Variants in PRR16 observed in about 807,000 individuals in gnomAD.
PRR16 encodes proline rich 16, also known as protein Largen.
Under a neutral mutation model 18.2 loss-of-function variants are expected in PRR16, and 6 were observed. That is an observed-to-expected ratio of 0.33 (90% CI 0.18 to 0.65). The LOEUF (loss-of-function observed/expected upper bound fraction) is 0.65, where lower values mean the gene tolerates loss of function less well. Among genes scored for constraint, PRR16 ranks in the 30% least tolerant of loss-of-function variants. The probability of loss-of-function intolerance (pLI) is 0.74; values close to 1 mark genes in which losing one functional copy is unlikely to be tolerated. For synonymous variants in PRR16, 151 were observed against 147.8 expected (o/e 1.02, Z -0.16); for missense variants, 412 against 376.6 (o/e 1.09, Z -0.78).
chr5:120,486,601 G>A (rs1401740208), intron 1 of PRR16, among the ~76,000 whole-genome samples: 2 of 152,130 alleles, frequency 1.3e-5, no homozygotes, highest in African/African-American at 4.8e-5. Context: ...TAGGTTGCCT[G>A]TTCACTCTGA....
intron 1 of PRR16, among the ~76,000 whole-genome samples, chr5:120,475,426 T>C (rs1260246656): frequency 3.3e-5 from 5 of 152,186 alleles, no homozygotes; most frequent in Non-Finnish European, 7.4e-5. Flanking sequence ...CTTCTGTTTT[T>C]CTGCCTTTTG....
At chr5:120,712,094 T>A in the PRR16 span, among the ~76,000 whole-genome samples, 50 of 152,206 alleles carry the variant, frequency 3.3e-4, no homozygotes, top group African/African-American at 1.2e-3. Context: ...AGACTTTTTT[T>A]ATCATATAAG....
At chr5:120,760,263 G>A in the PRR16 span, among the ~76,000 whole-genome samples, 1 of 152,048 alleles carries the variant, frequency 6.6e-6, no homozygotes, top group Non-Finnish European at 1.5e-5. Flanking sequence ...GGGCATATCA[G>A]TAAGAATTCA....
chr5:120,585,911 C>T (rs1250512212), intron 1 of PRR16, among the ~76,000 whole-genome samples: 2 of 151,996 alleles, frequency 1.3e-5, no homozygotes, highest in African/African-American at 2.4e-5. Context: ...TGCGATGGCT[C>T]ATGCTTGTAA....
At chr5:120,581,363 A>C (rs1187556102) in intron 1 of PRR16, among the ~76,000 whole-genome samples, 1 of 152,078 alleles carries the variant, frequency 6.6e-6, no homozygotes, top group Admixed American at 6.5e-5. Flanking sequence ...ATCAGTGGTG[A>C]TATCCCCTTT....
the PRR16 span, among the ~76,000 whole-genome samples, chr5:120,704,551 G>T: frequency 6.6e-6 from 1 of 152,144 alleles, no homozygotes; most frequent in East Asian, 1.9e-4. Flanking sequence ...GTACTCAAGA[G>T]TATTTTAAAA....
chr5:120,724,986 A>T, the PRR16 span, among the ~76,000 whole-genome samples: 13 of 152,200 alleles, frequency 8.5e-5, no homozygotes, highest in African/African-American at 3.1e-4. Flanking sequence ...TTGAAACATG[A>T]CAGGTGAACA....
chr5:120,789,965 T>A, the PRR16 span: 1 of 152,172 alleles, frequency 6.6e-6, no homozygotes, highest in Non-Finnish European at 1.5e-5. Context: ...TCCTTCAGGT[T>A]GGAAGGAATA....
chr5:120,755,285 G>A, the PRR16 span, among the ~76,000 whole-genome samples: 2 of 151,960 alleles, frequency 1.3e-5, no homozygotes, highest in African/African-American at 4.8e-5. Context: ...CCTCTTATGT[G>A]GATATATTGC....
At chr5:120,785,569 G>GTTTTTTTTTTTTTTTTTTTTTTTT in the PRR16 span, among the ~76,000 whole-genome samples, 2 of 99,604 alleles carry the variant, frequency 2.0e-5, no homozygotes, top group Admixed American at 9.9e-5. Flanking sequence ...GTGTTTTGTT[G>GTTTTTTTTTTTTTTTTTTTTTTTT]TTGTTGTTTT....
intron 1 of PRR16, among the ~76,000 whole-genome samples, chr5:120,632,559 A>G (rs1465465391): frequency 6.6e-6 from 1 of 152,162 alleles, no homozygotes; most frequent in African/African-American, 2.4e-5. Context: ...GAAATCAAGG[A>G]CACACTTAGA....
chr5:120,561,731 T>C (rs1028332814), intron 1 of PRR16, among the ~76,000 whole-genome samples: 3 of 152,116 alleles, frequency 2.0e-5, no homozygotes, highest in African/African-American at 7.2e-5. Context: ...AATCATGGGG[T>C]GGTTTCTCCC....
the PRR16 span, among the ~76,000 whole-genome samples, chr5:120,696,684 G>A: frequency 6.6e-6 from 1 of 152,086 alleles, no homozygotes; most frequent in African/African-American, 2.4e-5. Flanking sequence ...TCTGAATCTT[G>A]GTTCTGAAGA....
At chr5:120,495,122 C>CTA (rs1353216800) in intron 1 of PRR16, among the ~76,000 whole-genome samples, 1 of 151,944 alleles carries the variant, frequency 6.6e-6, no homozygotes, top group African/African-American at 2.4e-5. Context: ...TCAATATCTA[C>CTA]TATACTGCTG....
At chr5:120,511,347 A>G (rs1561524179) in intron 1 of PRR16, among the ~76,000 whole-genome samples, 1 of 152,090 alleles carries the variant, frequency 6.6e-6, no homozygotes. Flanking sequence ...AGCCTCTGAG[A>G]ATGTTCATTT....
chr5:120,644,077 T>C (rs1255864080), intron 1 of PRR16, among the ~76,000 whole-genome samples: 1 of 152,016 alleles, frequency 6.6e-6, no homozygotes, highest in East Asian at 1.9e-4. Context: ...TAGAGCTCAA[T>C]GACTTGGGTT....
In PRR16 at chr5:120,485,067, C is replaced by T. The variant is rs192846310; in HGVS notation, c.159+20422C>T. 1.5e-3 allele frequency among the ~76,000 whole-genome samples: 226 copies of T among 151,948 alleles called. 2 individuals carry two copies. Among genetic ancestry groups the T allele is most frequent in the Middle Eastern group, 3.6e-3 (1 of 274 alleles). ...CTTTACTCTGATTTAAATAGTGTAG[C>T]TGATTATCTGATTTTAGTGTAATTA... On this transcript the variant is annotated intron_variant, in intron 1 of 1. Transcript: ENST00000407149.
At position 120,686,720 on chromosome 5, in the gene PRR16, T is replaced by TA. The variant is rs771728312; in HGVS notation, c.*18dup. ...ACTACAACCGTGTGATGTATGCCAT[T>TA]AAAAAAATTGTTTTTTTAATTTTCT... On this transcript the variant is annotated 3_prime_UTR_variant, in exon 2 of 2. Transcript: ENST00000407149. 2.8e-6 allele frequency: 4 copies of TA among 1,447,440 alleles called. No individual in the cohort carries two copies. The highest frequency in any genetic ancestry group is 3.7e-6 in the Non-Finnish European group (4 of 1,095,284). The allele number at this position is 1,447,440 out of a possible 1,614,324, so 89.7% of individuals were successfully genotyped here. A position where few individuals can be genotyped will look rare whatever the true frequency, so the allele number is the denominator to read the frequency against.
At chr5:120,748,122 G>C in the PRR16 span, among the ~76,000 whole-genome samples, 5 of 152,026 alleles carry the variant, frequency 3.3e-5, no homozygotes, top group African/African-American at 1.2e-4. Flanking sequence ...TTCCAGGATA[G>C]ATGGGATTTT....
Sources: gnomAD v4.1 joint callset for allele counts (sites outside exome capture counted in the v4.1 genomes callset) on GRCh38, gnomAD v4.1.1 for gene constraint, MANE v1.5 for transcripts, NCBI Gene and HGNC (gene_info 2026-07-23, HGNC 2026-07-21) for gene names.